Variants in MACROD2 observed in about 807,000 individuals in gnomAD.
MACROD2 encodes mono-ADP ribosylhydrolase 2, also known as ADP-ribose glycohydrolase MACROD2.
A neutral mutation model predicts 70.4 loss-of-function variants in MACROD2; 36 were observed. That is an observed-to-expected ratio of 0.51 (90% CI 0.39 to 0.68). MACROD2 has a LOEUF of 0.68. Among genes scored for constraint, MACROD2 ranks in the 30% least tolerant of loss-of-function variants. The pLI is 0.00. For synonymous variants in MACROD2, 172 were observed against 178.8 expected (o/e 0.96, Z 0.30); for missense variants, 496 against 538.4 (o/e 0.92, Z 0.78).
intron 13 of MACROD2, among the ~76,000 whole-genome samples, chr20:15,980,494 GA>G (rs1308574628): frequency 2.6e-5 from 4 of 152,238 alleles, no homozygotes; most frequent in African/African-American, 9.6e-5. Flanking sequence ...TAGCGATGAA[GA>G]TTTTTTATCA....
chr20:14,504,477 C>G (rs1156673559), intron 4 of MACROD2, among the ~76,000 whole-genome samples: 2 of 152,162 alleles, frequency 1.3e-5, no homozygotes, highest in East Asian at 3.8e-4. Flanking sequence ...TTCAAATTAA[C>G]TTAGTATTAC....
rs73612332 is a variant in MACROD2, at chr20:14,074,029, G to T, written c.164-11592G>T. ...CCTATCCCAAATATCTAACATTTCG[G>T]TATCTGATCAAATTCCTGATCCCCC... On this transcript the variant is annotated intron_variant, in intron 2 of 17. Coordinates refer to ENST00000684519, the MANE Select transcript of MACROD2 (RefSeq NM_001351661.2). Among the ~76,000 whole-genome samples, 280 of 152,108 alleles carry T rather than the reference G, an allele frequency of 1.8e-3. No individual in the cohort carries two copies. In the East Asian group the frequency reaches 0.019, roughly 10 times the overall value.
intron 8 of MACROD2, among the ~76,000 whole-genome samples, chr20:15,768,494 G>C (rs1212212784): frequency 6.6e-6 from 1 of 152,192 alleles, no homozygotes; most frequent in Admixed American, 6.5e-5. Flanking sequence ...AGGACTGGAA[G>C]TTGCTCTGGG....
chr20:14,226,529 G>A (rs920091917), intron 3 of MACROD2, among the ~76,000 whole-genome samples: 2 of 152,184 alleles, frequency 1.3e-5, no homozygotes, highest in Non-Finnish European at 2.9e-5. Context: ...AGCGGGAACC[G>A]GGGCTGCGCG....
intron 8 of MACROD2, among the ~76,000 whole-genome samples, chr20:15,751,290 T>C (rs2051265232): frequency 6.6e-6 from 1 of 151,878 alleles, no homozygotes; most frequent in African/African-American, 2.4e-5. Context: ...GAAAACAAAA[T>C]AAAAAATTAA....
intron 15 of MACROD2, among the ~76,000 whole-genome samples, chr20:16,018,778 A>C (rs1349140392): frequency 6.6e-6 from 1 of 152,024 alleles, no homozygotes; most frequent in Non-Finnish European, 1.5e-5. Flanking sequence ...TCAAACATAC[A>C]CAAGTCTTTC....
intron 5 of MACROD2, among the ~76,000 whole-genome samples, chr20:14,840,797 T>A (rs1013214114): frequency 4.6e-5 from 7 of 152,102 alleles, no homozygotes; most frequent in African/African-American, 1.7e-4. Context: ...ATCTGAAAGC[T>A]CATCACAGTG....
chr20:14,211,701 A>G (rs191872018), intron 3 of MACROD2, among the ~76,000 whole-genome samples: 4 of 152,284 alleles, frequency 2.6e-5, no homozygotes, highest in African/African-American at 9.6e-5. Context: ...AGAGGTATTT[A>G]ATTCACCTAG....
chr20:14,962,662 T>G (rs982768165), intron 5 of MACROD2, among the ~76,000 whole-genome samples: 3 of 151,746 alleles, frequency 2.0e-5, no homozygotes, highest in African/African-American at 7.3e-5. Flanking sequence ...CCTCCTCCTC[T>G]TCTTCCTTTT....
intron 8 of MACROD2, among the ~76,000 whole-genome samples, chr20:15,842,718 A>ATAGATAGT (rs1257055529): frequency 2.9e-5 from 1 of 34,380 alleles, no homozygotes. Flanking sequence ...GGATGGATAG[A>ATAGATAGT]TAGATAGATA....
intron 5 of MACROD2, among the ~76,000 whole-genome samples, chr20:14,930,005 C>CA (rs1156792734): frequency 6.6e-6 from 1 of 151,572 alleles, no homozygotes; most frequent in African/African-American, 2.4e-5. Flanking sequence ...ACTAAAAATA[C>CA]AAAAAAATTA....
chr20:14,884,009 C>A (rs1315393471), intron 5 of MACROD2, among the ~76,000 whole-genome samples: 3 of 152,174 alleles, frequency 2.0e-5, no homozygotes, highest in African/African-American at 7.2e-5. Context: ...TGTCAGTTCT[C>A]TGGTTAGTTT....
At chr20:14,002,430 G>A (rs1400149297) in intron 2 of MACROD2, 26 bp downstream of exon 2, 5 of 1,454,038 alleles carry the variant, frequency 3.4e-6, no homozygotes, top group Non-Finnish European at 4.7e-6. Context: ...CATTTTTTAG[G>A]TAGATATTTT....
At chr20:15,694,476 G>A (rs1168585264) in intron 8 of MACROD2, among the ~76,000 whole-genome samples, 1 of 152,120 alleles carries the variant, frequency 6.6e-6, no homozygotes, top group Non-Finnish European at 1.5e-5. Context: ...GTGATGTTGA[G>A]CATTTTTTCA....
intron 5 of MACROD2, among the ~76,000 whole-genome samples, chr20:14,931,678 C>A (rs1253594846): frequency 6.6e-6 from 1 of 152,004 alleles, no homozygotes; most frequent in Non-Finnish European, 1.5e-5. Context: ...TAAATTACTT[C>A]TGATATGTCC....
intron 5 of MACROD2, among the ~76,000 whole-genome samples, chr20:15,098,066 T>C (rs1292357466): frequency 6.6e-6 from 1 of 152,158 alleles, no homozygotes; most frequent in Non-Finnish European, 1.5e-5. Context: ...AACACTGTTC[T>C]ACAGCAGAAC....
rs1167617988 is a variant in MACROD2, at chr20:16,051,159, A to C, written c.*1283A>C. 2 of 152,222 alleles carry C rather than the reference A, an allele frequency of 1.3e-5. No individual in the cohort carries two copies. The highest frequency in any genetic ancestry group is 3.8e-4 in the East Asian group (2 of 5,202). 9.4% of individuals were successfully genotyped at this position (152,222 alleles called of 1,614,324 possible). On this transcript the variant is annotated 3_prime_UTR_variant, in exon 18 of 18. Transcript: ENST00000684519. ...CCTCCCCGGGTTCCAAAGTCATGTCATTGTTTTCAGTGGAAACATATCGTT... is the reference window on the plus strand; with the variant it reads ...CCTCCCCGGGTTCCAAAGTCATGTCCTTGTTTTCAGTGGAAACATATCGTT...
chr20:15,447,431 G>A (rs1378845437), intron 7 of MACROD2, among the ~76,000 whole-genome samples: 5 of 152,152 alleles, frequency 3.3e-5, no homozygotes, highest in Non-Finnish European at 5.9e-5. Flanking sequence ...TATCTCAAGT[G>A]AGGCAGTGCC....
At chr20:14,510,751 C>A (rs1472557963) in intron 4 of MACROD2, among the ~76,000 whole-genome samples, 1 of 152,030 alleles carries the variant, frequency 6.6e-6, no homozygotes, top group Non-Finnish European at 1.5e-5. Context: ...ATCTGATTTC[C>A]CTATCCCATG....
Sources: gnomAD v4.1 joint callset for allele counts (sites outside exome capture counted in the v4.1 genomes callset) on GRCh38, gnomAD v4.1.1 for gene constraint, MANE v1.5 for transcripts, NCBI Gene and HGNC (gene_info 2026-07-23, HGNC 2026-07-21) for gene names.